Variants in GRM7 observed in about 807,000 individuals in gnomAD.
GRM7 encodes the protein metabotropic glutamate receptor 7.
In GRM7, 35 loss-of-function variants were observed where a neutral mutation model predicts 84.5. The ratio of observed to expected loss-of-function variants is 0.41; its 90% confidence interval spans 0.32 to 0.55. The LOEUF (loss-of-function observed/expected upper bound fraction) is 0.55. GRM7 is among the 20% of genes least tolerant of loss of function. The pLI, the probability that GRM7 is intolerant of heterozygous loss-of-function variation, is 0.19. For missense variants in GRM7, 1,003 were observed against 1,194.6 expected (o/e 0.84, Z 2.36); for synonymous variants, 487 against 455.1 (o/e 1.07, Z -0.89).
chr3:7,686,413 C>T (rs1344270256), intron 9 of GRM7: 1 of 1,551,414 alleles, frequency 6.4e-7, no homozygotes, highest in Non-Finnish European at 8.9e-7. Context: ...GTACACTATC[C>T]CACCAACAGT....
chr3:7,597,390 A>T (rs77474066), intron 8 of GRM7, among the ~76,000 whole-genome samples: 1,872 of 152,164 alleles, frequency 0.012, 44 homozygotes, highest in African/African-American at 0.043. Context: ...TCAACATGAG[A>T]TTTGGGAGGA....
chr3:7,395,545 T>TC (rs1365204097), intron 4 of GRM7, among the ~76,000 whole-genome samples: 1 of 152,110 alleles, frequency 6.6e-6, no homozygotes, highest in Non-Finnish European at 1.5e-5. Context: ...TCCCCACATG[T>TC]CAAGGGTGGG....
At chr3:7,315,757 T>C (rs2125046871) in intron 4 of GRM7, among the ~76,000 whole-genome samples, 1 of 152,270 alleles carries the variant, frequency 6.6e-6, no homozygotes, top group South Asian at 2.1e-4. Context: ...CCTATTTGTC[T>C]TTTTCTTGAT....
chr3:6,968,220 T>C (rs1693603776), intron 1 of GRM7, among the ~76,000 whole-genome samples: 1 of 152,202 alleles, frequency 6.6e-6, no homozygotes, highest in African/African-American at 2.4e-5. Context: ...ATTCCTCGGC[T>C]GTTAGATGGC....
At chr3:7,184,843 C>T (rs1695461203) in intron 2 of GRM7, among the ~76,000 whole-genome samples, 1 of 152,082 alleles carries the variant, frequency 6.6e-6, no homozygotes. Flanking sequence ...TTCCATTTCA[C>T]TCTCGTGTTT....
rs533929969 is a variant in GRM7 at position 7,662,857 on chromosome 3, T to C, written c.2452-17192T>C. On this transcript the variant is annotated intron_variant, in intron 8 of 9. Coordinates refer to ENST00000357716, the MANE Select transcript of GRM7 (RefSeq NM_000844.4). ...AATATATGTATTGTATATGCTTACA[T>C]GTATCTAGGCACAAAAAGTAAGATG... Among the ~76,000 whole-genome samples the C allele has an allele frequency of 8.5e-5, 13 of 152,324 alleles. No individual in the cohort carries two copies. In the South Asian group the frequency reaches 2.7e-3, roughly 32 times the overall value.
chr3:7,262,687 G>A (rs548399850), intron 2 of GRM7, among the ~76,000 whole-genome samples: 2 of 151,652 alleles, frequency 1.3e-5, no homozygotes, highest in South Asian at 4.2e-4. Context: ...TGGCTTTTTG[G>A]TTTGTTTGTT....
chr3:7,133,383 G>A (rs1232790024), intron 1 of GRM7, among the ~76,000 whole-genome samples: 2 of 152,156 alleles, frequency 1.3e-5, no homozygotes, highest in East Asian at 3.9e-4. Flanking sequence ...GTGATAATTT[G>A]CATTGCTGGG....
intron 7 of GRM7, among the ~76,000 whole-genome samples, chr3:7,577,382 A>G (rs1325638807): frequency 3.3e-5 from 5 of 152,216 alleles, no homozygotes. Flanking sequence ...ACTACAATAT[A>G]CTAATTGGTT....
chr3:6,941,548 C>T (rs2125057274), intron 1 of GRM7, among the ~76,000 whole-genome samples: 1 of 152,296 alleles, frequency 6.6e-6, no homozygotes, highest in South Asian at 2.1e-4. Flanking sequence ...GATCTAACCT[C>T]TAATCGTGTG....
chr3:7,596,628 G>A (rs1489107799), intron 8 of GRM7, among the ~76,000 whole-genome samples: 1 of 152,124 alleles, frequency 6.6e-6, no homozygotes, highest in Non-Finnish European at 1.5e-5. Context: ...ATGAACCATT[G>A]TTTTTCAAAT....
intron 1 of GRM7, among the ~76,000 whole-genome samples, chr3:7,059,757 G>T (rs2124967610): frequency 6.6e-6 from 1 of 151,790 alleles, no homozygotes; most frequent in South Asian, 2.1e-4. Context: ...TTATAAAAGT[G>T]ACCCTAGAGA....
At chr3:6,992,815 C>T (rs894720008) in intron 1 of GRM7, among the ~76,000 whole-genome samples, 2 of 152,200 alleles carry the variant, frequency 1.3e-5, no homozygotes, top group African/African-American at 2.4e-5. Context: ...TGTCTTACTG[C>T]TAGGTCCCAT....
chr3:7,493,728 T>A (rs1699604407), intron 7 of GRM7, among the ~76,000 whole-genome samples: 1 of 152,068 alleles, frequency 6.6e-6, no homozygotes, highest in Non-Finnish European at 1.5e-5. Context: ...GTATTTATAG[T>A]TTTCTCTGGT....
chr3:7,489,405 T>C (rs1699441898), intron 7 of GRM7, among the ~76,000 whole-genome samples: 1 of 152,192 alleles, frequency 6.6e-6, no homozygotes, highest in South Asian at 2.1e-4. Flanking sequence ...TTTACAAGTG[T>C]AGCTCTGAAT....
At chr3:6,870,288 C>G (rs1481382730) in intron 1 of GRM7, among the ~76,000 whole-genome samples, 1 of 152,040 alleles carries the variant, frequency 6.6e-6, no homozygotes, top group East Asian at 1.9e-4. Flanking sequence ...GACAATTGAG[C>G]AAAGACTTGA....
intron 2 of GRM7, among the ~76,000 whole-genome samples, chr3:7,165,940 A>G (rs974875095): frequency 6.6e-6 from 1 of 152,178 alleles, no homozygotes; most frequent in Non-Finnish European, 1.5e-5. Context: ...TAAATTCTCA[A>G]GTACTTCGAA....
intron 1 of GRM7, among the ~76,000 whole-genome samples, chr3:7,006,366 A>C (rs1239695135): frequency 6.6e-6 from 1 of 152,208 alleles, no homozygotes; most frequent in African/African-American, 2.4e-5. Flanking sequence ...TGTGAAGGGA[A>C]CTATCATCTA....
chr3:7,027,971 C>T (rs1202466115), intron 1 of GRM7, among the ~76,000 whole-genome samples: 2 of 152,150 alleles, frequency 1.3e-5, no homozygotes, highest in Admixed American at 6.5e-5. Context: ...TTTGTCCCAT[C>T]AGCTTAATTA....
Sources: gnomAD v4.1 joint callset for allele counts (sites outside exome capture counted in the v4.1 genomes callset) on GRCh38, gnomAD v4.1.1 for gene constraint, MANE v1.5 for transcripts, NCBI Gene and HGNC (gene_info 2026-07-23, HGNC 2026-07-21) for gene names.